PKD1: variants seen among roughly 807,000 people sequenced by gnomAD.
The protein encoded by PKD1 is polycystin-1.
PKD1 carries 81 observed loss-of-function variants against 361.7 expected under a neutral mutation model. The ratio of observed to expected loss-of-function variants is 0.22; its 90% CI spans 0.19 to 0.27. PKD1 has a LOEUF of 0.27. Among genes scored for constraint, PKD1 ranks in the 10% least tolerant of loss-of-function variants. PKD1 has a pLI of 1.00. For missense variants in PKD1, 6,399 were observed against 6,118.3 expected, an observed-to-expected ratio of 1.05 and a Z score of -1.53; for synonymous variants, 3,615 against 2,818.3, an observed-to-expected ratio of 1.28 and a Z score of -8.95.
Position 2,090,420 on chromosome 16 carries a change from A to G in PKD1, c.12309T>C (p.Ala4103=), listed in dbSNP as rs2151681458. 1 of 1,612,476 alleles carries G rather than the reference A, an allele frequency of 6.2e-7. No individual in the cohort carries two copies. Among genetic ancestry groups the G allele is most frequent in the South Asian group, 1.1e-5 (1 of 91,084 alleles). The change falls in exon 45 of 46, where the codon GCT becomes GCC. Residue 4103 remains alanine, a synonymous_variant. Transcript: ENST00000262304. ...LRLWGALRLG[A]VILRWRYHAL... ...CGTGGTAGCGCCAGCGGAGAATAAC[A>G]GCCCCCAGCCGTAGGGCGCCCCACA...
Position 2,099,893 on chromosome 16 carries a change from C to G in PKD1, c.9891G>C (p.Val3297=), listed in dbSNP as rs529238288. 6.4e-7 allele frequency: 1 copy of G among 1,566,404 alleles called. No individual in the cohort carries two copies. Among genetic ancestry groups the G allele is most frequent in the South Asian group, 1.2e-5 (1 of 85,670 alleles). Residue 3297 remains valine, a synonymous_variant, in exon 29 of 46, where the codon GTG becomes GTC. Transcript: ENST00000262304. ...LICLFLGANA[V]WYGAVGDSAY... ...CAGAGTCGCCAACAGCCCCGTACCA[C>G]ACGGCGTTGGCGCCCAGGAAGAGGC...
chr16:2,100,748 G>A lies in PKD1; in HGVS notation c.9398-182C>T, dbSNP rs1416450180. On this transcript the variant is annotated intron_variant, in intron 26 of 45. Coordinates refer to ENST00000262304, the MANE Select transcript of PKD1 (RefSeq NM_001009944.3). This position sits in a 1 kb window ranked among gnomAD's most constrained non-coding sequence, Gnocchi z 4.4. Reference sequence around the variant, plus strand: ...ACTGCAATTTGTCCAATTAACAGCAGGACCTCAAGGACATGATTAAGTTAC... The same window carrying A: ...ACTGCAATTTGTCCAATTAACAGCAAGACCTCAAGGACATGATTAAGTTAC... 8.2e-6 allele frequency: 5 copies of A among 606,470 alleles called. No homozygotes were observed. The highest frequency in any genetic ancestry group is 5.5e-5 in the African/African-American group (3 of 54,180). 37.6% of individuals were successfully genotyped at this position (606,470 alleles called of 1,614,324 possible).
Position 2,108,111 on chromosome 16 carries a change from G to A in PKD1, c.6916-79C>T, listed in dbSNP as rs566721157. 462 of 1,529,612 alleles carry A rather than the reference G, an allele frequency of 3.0e-4. 1 individual carries two copies. Among genetic ancestry groups the A allele is most frequent in the Middle Eastern group, 2.3e-3 (10 of 4,298 alleles). 94.8% of individuals were successfully genotyped at this position (1,529,612 alleles called of 1,614,324 possible). A position where few individuals can be genotyped will look rare whatever the true frequency, so the allele number is the denominator to read the frequency against. On this transcript the variant is annotated intron_variant, in intron 15 of 45. Coordinates refer to ENST00000262304, the MANE Select transcript of PKD1 (RefSeq NM_001009944.3). ...AGCAGAGCCCGGCCCAGGAGACAGC[G>A]CGGGAGACCCCCTCCCCATGCTGGG...
At chr16:2,104,682 C>G (rs977216314) in intron 21 of PKD1, 40 bp from the exon 22 acceptor site, 1 of 1,200,528 alleles carries the variant, frequency 8.3e-7, no homozygotes, top group African/African-American at 1.6e-5. Context: ...CTCCTGGCCC[C>G]ACTCCTTGCA....
In PKD1 at chr16:2,089,950, T is replaced by A; in HGVS notation, c.12689A>T (p.Asn4230Ile). 6.2e-7 allele frequency: 1 copy of A among 1,612,254 alleles called. No homozygotes were observed. Among genetic ancestry groups the A allele is most frequent in the South Asian group, 1.1e-5 (1 of 90,984 alleles). Residue 4230 changes from asparagine to isoleucine, a missense_variant, in exon 46 of 46, where the codon AAC (asparagine) becomes ATC (isoleucine). By Grantham distance (149) the Asn-to-Ile change is moderately radical (BLOSUM62 -3). Coordinates refer to ENST00000262304, the MANE Select transcript of PKD1 (RefSeq NM_001009944.3). ...CTGGTAGACGTCCTCTGTGGCCTGGTTGAGTCGGTCAAACTGGGTGAGCAG... is the reference window on the plus strand; with the variant it reads ...CTGGTAGACGTCCTCTGTGGCCTGGATGAGTCGGTCAAACTGGGTGAGCAG... The part of the protein sequence containing the change: ...EALLTQFDRL[N>I]QATEDVYQLE...
chr16:2,121,753 T>C (rs973759901), intron 1 of PKD1, among the ~76,000 whole-genome samples: 2 of 149,498 alleles, frequency 1.3e-5, no homozygotes, highest in Admixed American at 6.7e-5. Flanking sequence ...GGCACAGGAC[T>C]ATGGCTCCGC....
At position 2,118,688 on chromosome 16, in the gene PKD1, C is replaced by G. The variant is rs1412351568; in HGVS notation, c.517G>C (p.Asp173His). Residue 173 changes from aspartate (D) to histidine (H), a missense_variant, in exon 4 of 46, where the codon GAC becomes CAC. Asp to His is a moderately conservative substitution (Grantham distance 81). Coordinates refer to ENST00000262304, the MANE Select transcript of PKD1 (RefSeq NM_001009944.3). The surrounding 1 kb of genome is among the most constrained non-coding windows in gnomAD (Gnocchi z 6.0). The part of the protein sequence containing the change: ...GQPLLGIPLL[D>H]SGCGEEYVAC... ...CACCGGCACTCACCACAGCCACTGT[C>G]CAGCAAGGGGATGCCAAGCAGAGGC... The G allele has an allele frequency of 1.4e-6, 2 of 1,468,044 alleles. No homozygotes were observed. Among genetic ancestry groups the G allele is most frequent in the Non-Finnish European group, 1.8e-6 (2 of 1,081,578 alleles). 90.9% of individuals were successfully genotyped at this position (1,468,044 alleles called of 1,614,324 possible).
chr16:2,101,076 C>T (rs1411627660), intron 26 of PKD1, among the ~76,000 whole-genome samples: 2 of 152,154 alleles, frequency 1.3e-5, no homozygotes, highest in African/African-American at 4.8e-5. Flanking sequence ...AGCTCCGCCT[C>T]CCGGGTTCAC....
chr16:2,090,119 C>T lies in PKD1; in HGVS notation c.12520G>A (p.Asp4174Asn), dbSNP rs2091409130. The change falls in exon 46 of 46, where the codon GAT (aspartate) becomes AAT (asparagine). Residue 4174 changes from aspartate (D) to asparagine (N), a missense_variant. Asp to Asn is a conservative substitution (Grantham distance 23). Transcript: ENST00000262304. ...RSSRGSKVSPDVPPPSAGSDA... is the reference protein window; with the variant it reads ...RSSRGSKVSPNVPPPSAGSDA... Reference sequence around the variant, plus strand: ...GAGCCAGCGCTGGGTGGGGGCACATCCGGGGATACCTTGGAGCCCCTGGAG... The same window carrying T: ...GAGCCAGCGCTGGGTGGGGGCACATTCGGGGATACCTTGGAGCCCCTGGAG... The T allele has an allele frequency of 6.2e-7, 1 of 1,600,314 alleles. No individual in the cohort carries two copies. Among genetic ancestry groups the T allele is most frequent in the South Asian group, 1.1e-5 (1 of 90,244 alleles).
rs767472343 is a variant in PKD1 at position 2,119,192 on chromosome 16, G to C, written c.288-7C>G. On this transcript the variant is annotated splice_region_variant and splice_polypyrimidine_tract_variant and intron_variant, in intron 2 of 45. Coordinates refer to ENST00000262304, the MANE Select transcript of PKD1 (RefSeq NM_001009944.3). ...CTTGTTGTTGCTTATATCCCTGGAA[G>C]AGACGGGGGATTCGGCAAAGCTGAT... The C allele has an allele frequency of 7.1e-6, 11 of 1,560,266 alleles. No homozygotes were observed. Among genetic ancestry groups the C allele is most frequent in the Middle Eastern group, 2.3e-4 (1 of 4,380 alleles).
At position 2,090,032 on chromosome 16, in the gene PKD1, G is replaced by C; in HGVS notation, c.12607C>G (p.Arg4203Gly). ...TCAGGCTCACACCTTGTCCCCAGCCGGCCCAGGCTCACGCTCAGCCCATCC... is the reference window on the plus strand; with the variant it reads ...TCAGGCTCACACCTTGTCCCCAGCCCGCCCAGGCTCACGCTCAGCCCATCC... ...QLDGLSVSLG[R>G]LGTRCEPEPS... Residue 4203 changes from arginine (R) to glycine (G), a missense_variant, in exon 46 of 46, where the codon CGG becomes GGG. Physicochemically the swap from Arg to Gly is moderately radical, Grantham distance 125 (BLOSUM62 -2). Transcript: ENST00000262304. The C allele has an allele frequency of 6.2e-7, 1 of 1,611,004 alleles. No individual in the cohort carries two copies. The highest frequency in any genetic ancestry group is 8.5e-7 in the Non-Finnish European group (1 of 1,179,264).
Position 2,088,880 on chromosome 16 carries a change from C to A in PKD1, c.*847G>T. 2.1e-6 allele frequency: 1 copy of A among 474,112 alleles called. No individual in the cohort carries two copies. The highest frequency in any genetic ancestry group is 3.8e-6 in the Non-Finnish European group (1 of 266,536). 29.4% of individuals were successfully genotyped at this position (474,112 alleles called of 1,614,324 possible). A position where few individuals can be genotyped will look rare whatever the true frequency, so the allele number is the denominator to read the frequency against. On this transcript the variant is annotated 3_prime_UTR_variant, in exon 46 of 46. Transcript: ENST00000262304. The stretch of plus-strand genomic sequence containing the variant: ...TACAGCACACTCGCGCGTGCGCGCG[C>A]GCACACACACACACACACAGTCACC...
Position 2,110,807 on chromosome 16 carries a change from C to T in PKD1, c.4360G>A (p.Ala1454Thr). Reference protein sequence around the residue: ...TVTASNNISAANDSALVEVQE... With the variant: ...TVTASNNISATNDSALVEVQE... The stretch of plus-strand genomic sequence containing the variant: ...ACCTCCACCAGGGCTGAGTCATTGG[C>T]AGCAGAGATGTTGTTGGACGCGGTG... The change falls in exon 15 of 46, where the codon GCC (alanine) becomes ACC (threonine). Residue 1454 changes from alanine (A) to threonine (T), a missense_variant. Transcript: ENST00000262304. The T allele has an allele frequency of 1.2e-6, 2 of 1,611,492 alleles. No individual in the cohort carries two copies. Among genetic ancestry groups the T allele is most frequent in the Non-Finnish European group, 1.7e-6 (2 of 1,179,830 alleles).
rs1380112705 is a variant in PKD1 at position 2,099,738 on chromosome 16, C to T, written c.9956G>A (p.Ser3319Asn). ...CAGGCCAACAGCGACTGTGTCGACG[C>T]TCAGCGGGCTCAGCCTGGACACATG... ...TGHVSRLSPL[S>N]VDTVAVGLVS... Residue 3319 changes from serine to asparagine, a missense_variant, in exon 30 of 46, where the codon AGC (serine) becomes AAC (asparagine). By Grantham distance (46) the Ser-to-Asn change is conservative. Coordinates refer to ENST00000262304, the MANE Select transcript of PKD1 (RefSeq NM_001009944.3). The T allele has an allele frequency of 1.3e-6, 2 of 1,560,216 alleles. No homozygotes were observed. The highest frequency in any genetic ancestry group is 1.7e-6 in the Non-Finnish European group (2 of 1,153,872).
In PKD1 at chr16:2,090,072, G is replaced by A. The variant is rs1378954603; in HGVS notation, c.12567C>T (p.Thr4189=). Residue 4189 remains threonine (T), a synonymous_variant, in exon 46 of 46, where the codon ACC becomes ACT. Transcript: ENST00000262304. ...SAGSDASHPS[T]SSSQLDGLSV... is the part of the protein sequence containing the mutation. ...TCAGCCCATCCAGCTGGCTGGAGGA[G>A]GTGGAGGGGTGCGAGGCATCGGAGC... The A allele has an allele frequency of 4.3e-6, 7 of 1,610,400 alleles. No homozygotes were observed. The highest frequency in any genetic ancestry group is 1.3e-5 in the African/African-American group (1 of 74,902).
intron 16 of PKD1, chr16:2,107,615 G>T (rs1373915464): frequency 1.1e-5 from 6 of 554,918 alleles, no homozygotes; most frequent in Non-Finnish European, 1.6e-5. Flanking sequence ...TCTGGGGTGG[G>T]AAGGGGCTCT....
At position 2,112,059 on chromosome 16, in the gene PKD1, G is replaced by A. The variant is rs1205143429; in HGVS notation, c.3296-188C>T. Among the ~76,000 whole-genome samples the A allele has an allele frequency of 5.9e-5, 9 of 152,336 alleles. No homozygotes were observed. The East Asian group carries it at 1.4e-3, about 23-fold the overall frequency. On this transcript the variant is annotated intron_variant, in intron 14 of 45. Transcript: ENST00000262304. Reference sequence around the variant, plus strand: ...GTAGCAGCACTGAGGGCTGCCTGGCGAGGACGGCACCGCCTCCAAGTGCAG... The same window carrying A: ...GTAGCAGCACTGAGGGCTGCCTGGCAAGGACGGCACCGCCTCCAAGTGCAG...
rs759156296 is a variant in PKD1, at chr16:2,115,447, G to A, written c.2028C>T (p.Pro676=). 2.2e-5 allele frequency: 35 copies of A among 1,598,110 alleles called. No individual in the cohort carries two copies. The highest frequency in any genetic ancestry group is 1.2e-4 in the South Asian group (11 of 89,002). The stretch of plus-strand genomic sequence containing the variant: ...CTCTCCATAGCGCATAGGGGGCCCC[G>A]GGTAGCCCTGGCCCTGACGTGCAGC... ...ANGCTSGPGL[P]GAPYALWREF... is the part of the protein sequence containing the mutation. Residue 676 remains proline (P), a synonymous_variant, in exon 10 of 46, where the codon CCC becomes CCT. Transcript: ENST00000262304.
rs1248618561 is a variant in PKD1, at chr16:2,105,439, C to T, written c.7899G>A (p.Lys2633=). ...ERALDVAAEP[K]HERQHRAQIR... is the part of the protein sequence containing the mutation. ...TCTGGGCTCGGTGCTGCCGCTCGTGCTTGGGCTCTGCCGCCACGTCCAGGG... is the reference window on the plus strand; with the variant it reads ...TCTGGGCTCGGTGCTGCCGCTCGTGTTTGGGCTCTGCCGCCACGTCCAGGG... Residue 2633 remains lysine, a synonymous_variant, in exon 21 of 46, where the codon AAG becomes AAA. Transcript: ENST00000262304. 6.3e-7 allele frequency: 1 copy of T among 1,589,994 alleles called. No homozygotes were observed. Among genetic ancestry groups the T allele is most frequent in the African/African-American group, 1.4e-5 (1 of 73,332 alleles).
Sources: gnomAD v4.1 joint callset for allele counts (sites outside exome capture counted in the v4.1 genomes callset) on GRCh38, gnomAD v4.1.1 for gene constraint, Gnocchi (gnomAD v3.1) non-coding constraint, MANE v1.5 for transcripts, NCBI Gene and HGNC (gene_info 2026-07-23, HGNC 2026-07-21) for gene names.